Variants in TMCC2 observed in about 807,000 individuals in gnomAD.
The protein encoded by TMCC2 is transmembrane and coiled-coil domain family 2.
Under a neutral mutation model 49.4 loss-of-function variants are expected in TMCC2, and 16 were observed. The observed-to-expected ratio is 0.32, with a 90% CI of 0.22 to 0.49. The LOEUF is 0.49. TMCC2 is among the 20% of genes least tolerant of loss of function. The probability of loss-of-function intolerance (pLI) is 0.99; values close to 1 mark genes in which losing one functional copy is unlikely to be tolerated. For synonymous variants in TMCC2, 397 were observed against 434.1 expected (o/e 0.91, Z 1.06); for missense variants, 762 against 989.8 (o/e 0.77, Z 3.09).
intron 1 of TMCC2, chr1:205,229,155 G>T (rs1659680728): frequency 2.1e-4 from 2 of 9,542 alleles, no homozygotes; most frequent in East Asian, 0.022. Flanking sequence ...TGGGATCTTT[G>T]TGTGTGTGTG....
Position 205,241,696 on chromosome 1 carries a change from C to G in TMCC2, c.399C>G (p.Ser133=). The change falls in exon 2 of 5, where the codon TCC becomes TCG. Residue 133 remains serine (S), a synonymous_variant. Coordinates refer to ENST00000358024, the MANE Select transcript of TMCC2 (RefSeq NM_014858.4). This position sits in a 1 kb window ranked among gnomAD's most constrained non-coding sequence, Gnocchi z 7.3. The part of the protein sequence containing the change: ...KERSPEMHRV[S]YAMSLHDLPA... ...GCTCTCCGGAGATGCATCGCGTCTCCTACGCCATGTCCCTGCACGACCTGC... is the reference window on the plus strand; with the variant it reads ...GCTCTCCGGAGATGCATCGCGTCTCGTACGCCATGTCCCTGCACGACCTGC... The G allele has an allele frequency of 6.2e-7, 1 of 1,613,746 alleles. No homozygotes were observed. The highest frequency in any genetic ancestry group is 8.5e-7 in the Non-Finnish European group (1 of 1,180,028).
chr1:205,254,500 A>G (rs1660785927), intron 2 of TMCC2, among the ~76,000 whole-genome samples: 1 of 152,314 alleles, frequency 6.6e-6, no homozygotes, highest in African/African-American at 2.4e-5. Context: ...TATAAAGACG[A>G]GCAGGCTTAG....
intron 3 of TMCC2, among the ~76,000 whole-genome samples, 174 bp downstream of exon 3, chr1:205,270,058 T>A (rs1661520228): frequency 1.1e-5 from 1 of 89,008 alleles, no homozygotes; most frequent in Non-Finnish European, 3.6e-5. Context: ...TCCTTCTGTA[T>A]TTTTTGGAGG....
At position 205,265,233 on chromosome 1, in the gene TMCC2, CA is replaced by C. The variant is rs200269382; in HGVS notation, c.748-3716del. On this transcript the variant is annotated intron_variant, in intron 2 of 4. Transcript: ENST00000358024. ...GGCCTCTGCACCCACCATCAGGCCC[CA>C]GCTGTTTTTCCCAGGAGTGTTTCTT... 9.1e-4 allele frequency among the ~76,000 whole-genome samples: 139 copies of C among 152,330 alleles called. 4 individuals are homozygous for C. The East Asian group carries it at 0.023, about 25-fold the overall frequency.
At chr1:205,271,341 C>T (rs1244487476) in intron 4 of TMCC2, 86 bp downstream of exon 4, 3 of 1,603,168 alleles carry the variant, frequency 1.9e-6, no homozygotes, top group Non-Finnish European at 2.6e-6. Context: ...TCACGTGGGG[C>T]ATGATAGACA....
intron 2 of TMCC2, among the ~76,000 whole-genome samples, chr1:205,259,620 C>G (rs1165537505): frequency 6.6e-6 from 1 of 152,166 alleles, no homozygotes; most frequent in East Asian, 1.9e-4. Context: ...GGCTGCTGGG[C>G]TAGTGTGTGA....
Position 205,227,957 on chromosome 1 carries a change from G to C in TMCC2, c.-608G>C, listed in dbSNP as rs1387323179. ...GGGCGGGGTAGGTTGCGCGCTCGCC[G>C]CGGGCTCGGGCCGCGGTCGCGGCTT... On this transcript the variant is annotated 5_prime_UTR_variant, in exon 1 of 5. Coordinates refer to ENST00000358024, the MANE Select transcript of TMCC2 (RefSeq NM_014858.4). Among the ~76,000 whole-genome samples the C allele has an allele frequency of 6.6e-6, 1 of 151,142 alleles. No individual in the cohort carries two copies. Among genetic ancestry groups the C allele is most frequent in the African/African-American group, 2.4e-5 (1 of 41,324 alleles).
At chr1:205,243,115 G>A (rs1379872716) in intron 2 of TMCC2, among the ~76,000 whole-genome samples, 1 of 152,208 alleles carries the variant, frequency 6.6e-6, no homozygotes, top group African/African-American at 2.4e-5. Flanking sequence ...CCAGGCACAT[G>A]GCTCACACCT....
intron 2 of TMCC2, chr1:205,246,826 C>T (rs1370078579): frequency 1.2e-6 from 1 of 869,558 alleles, no homozygotes; most frequent in Non-Finnish European, 1.7e-6. Flanking sequence ...CCCATGAAGA[C>T]CTCCTGAGCA....
chr1:205,269,381 A>C lies in TMCC2; in HGVS notation c.1179A>C (p.Ala393=). 1 of 1,610,070 alleles carries C rather than the reference A, an allele frequency of 6.2e-7. No homozygotes were observed. The highest frequency in any genetic ancestry group is 8.5e-7 in the Non-Finnish European group (1 of 1,177,614). Residue 393 remains alanine (A), a synonymous_variant, in exon 3 of 5, where the codon GCA becomes GCC. Transcript: ENST00000358024. Reference sequence around the variant, plus strand: ...AGGACGTGGGCGCCAACGTGCGCGCAGGCATCAGCGGCTTTGGGGGCGGCG... The same window carrying C: ...AGGACGTGGGCGCCAACGTGCGCGCCGGCATCAGCGGCTTTGGGGGCGGCG... The part of the protein sequence containing the change: ...GLKDVGANVR[A]GISGFGGGVV...
At chr1:205,238,570 T>C (rs1660146422) in intron 1 of TMCC2, among the ~76,000 whole-genome samples, 1 of 152,176 alleles carries the variant, frequency 6.6e-6, no homozygotes, top group Non-Finnish European at 1.5e-5. Context: ...AAAGACTTTA[T>C]AGTTGAGGGT....
At position 205,228,495 on chromosome 1, in the gene TMCC2, A is replaced by C; in HGVS notation, c.-70A>C. ...AGACCCCAGGCCTCATATGAATATAAGAGGGGGTGCGGTCTTCCCCAAGAC... is the reference window on the plus strand; with the variant it reads ...AGACCCCAGGCCTCATATGAATATACGAGGGGGTGCGGTCTTCCCCAAGAC... On this transcript the variant is annotated 5_prime_UTR_variant, in exon 1 of 5. Transcript: ENST00000358024. The C allele has an allele frequency of 7.5e-7, 1 of 1,341,462 alleles. No individual in the cohort carries two copies. Among genetic ancestry groups the C allele is most frequent in the South Asian group, 1.3e-5 (1 of 75,440 alleles). The allele number at this position is 1,341,462 out of a possible 1,614,324, so 83.1% of individuals were successfully genotyped here.
chr1:205,246,430 A>G lies in TMCC2; in HGVS notation c.747+4386A>G. On this transcript the variant is annotated intron_variant, in intron 2 of 4. Coordinates refer to ENST00000358024, the MANE Select transcript of TMCC2 (RefSeq NM_014858.4). ...TGTACGAGTCTGGAGTTCTGGGGAG[A>G]GATCCAAGCTAGAGGCATAAATTTG... is the stretch of plus-strand genomic sequence containing the variant. 10 of 1,271,198 alleles carry G rather than the reference A, an allele frequency of 7.9e-6. No homozygotes were observed. In the South Asian group the frequency reaches 1.4e-4, roughly 18 times the overall value. 78.7% of individuals were successfully genotyped at this position (1,271,198 alleles called of 1,614,324 possible). A position where few individuals can be genotyped will look rare whatever the true frequency, so the allele number is the denominator to read the frequency against.
chr1:205,242,190 G>A lies in TMCC2; in HGVS notation c.747+146G>A, dbSNP rs372477716. 1.3e-4 allele frequency: 125 copies of A among 945,294 alleles called. No homozygotes were observed. In the South Asian group the frequency reaches 2.1e-3, roughly 16 times the overall value. The allele number at this position is 945,294 out of a possible 1,614,324, so 58.6% of individuals were successfully genotyped here. Reference sequence around the variant, plus strand: ...TGCAGAGTTATCTACCTTGGTTAAAGGAGTCGGGTATGACTAGGCCAAAAA... The same window carrying A: ...TGCAGAGTTATCTACCTTGGTTAAAAGAGTCGGGTATGACTAGGCCAAAAA... On this transcript the variant is annotated intron_variant, in intron 2 of 4. Transcript: ENST00000358024.
chr1:205,269,471 C>T lies in TMCC2; in HGVS notation c.1269C>T (p.Ser423=), dbSNP rs1345130864. The change falls in exon 3 of 5, where the codon TCC becomes TCT. Residue 423 remains serine, a synonymous_variant. Transcript: ENST00000358024. ...LSQATHTAVV[S]KPREFASLIR... is the part of the protein sequence containing the mutation. Reference sequence around the variant, plus strand: ...AGGCCACCCACACCGCCGTGGTGTCCAAGCCCCGGGAGTTTGCCAGCCTCA... The same window carrying T: ...AGGCCACCCACACCGCCGTGGTGTCTAAGCCCCGGGAGTTTGCCAGCCTCA... 1 of 1,607,844 alleles carries T rather than the reference C, an allele frequency of 6.2e-7. No homozygotes were observed. Among genetic ancestry groups the T allele is most frequent in the Admixed American group, 1.7e-5 (1 of 59,860 alleles).
chr1:205,231,628 T>C (rs1327124040), intron 1 of TMCC2, among the ~76,000 whole-genome samples: 1 of 152,078 alleles, frequency 6.6e-6, no homozygotes, highest in African/African-American at 2.4e-5. Flanking sequence ...GCTGGAAAAA[T>C]TGTTTTCCAA....
chr1:205,269,637 TGCTCCA>T lies in TMCC2; in HGVS notation c.1438_1443del (p.Ser480_Ser481del). 1 of 1,613,608 alleles carries T rather than the reference TGCTCCA, an allele frequency of 6.2e-7. No homozygotes were observed. The highest frequency in any genetic ancestry group is 8.5e-7 in the Non-Finnish European group (1 of 1,179,910). On this transcript the variant is annotated inframe_deletion, in exon 3 of 5. Coordinates refer to ENST00000358024, the MANE Select transcript of TMCC2 (RefSeq NM_014858.4). ...CCCCAAGTATGGCAGCGATGATGAG[TGCTCCA>T]GCGCCAGCGCCAGCTCAGCCGGGGC...
chr1:205,269,929 A>C, intron 3 of TMCC2, 45 bp downstream of exon 3: 2 of 1,570,396 alleles, frequency 1.3e-6, no homozygotes, highest in Non-Finnish European at 1.7e-6. Context: ...CGGACGTGGG[A>C]TGAGGCAAGG....
chr1:205,235,985 C>T (rs960780661), intron 1 of TMCC2, among the ~76,000 whole-genome samples: 77 of 150,430 alleles, frequency 5.1e-4, no homozygotes, highest in African/African-American at 1.7e-3. Context: ...AGGAGATTTG[C>T]TTGAACCCGG....
Sources: gnomAD v4.1 joint callset for allele counts (sites outside exome capture counted in the v4.1 genomes callset) on GRCh38, gnomAD v4.1.1 for gene constraint, Gnocchi (gnomAD v3.1) non-coding constraint, MANE v1.5 for transcripts, NCBI Gene and HGNC (gene_info 2026-07-23, HGNC 2026-07-21) for gene names.